The following DCUN1D1 variants were observed in gnomAD, a reference collection of about 807,000 sequenced individuals.
The protein encoded by DCUN1D1 is defective in cullin neddylation 1 domain containing 1.
DCUN1D1 carries 3 observed loss-of-function variants against 39.0 expected under a neutral mutation model. The ratio of observed to expected loss-of-function variants is 0.08; its 90% CI spans 0.04 to 0.20. The LOEUF is 0.20. Ranked by LOEUF, DCUN1D1 falls within the 10% of genes least tolerant of loss-of-function variation. DCUN1D1 has a pLI of 1.00. For missense variants in DCUN1D1, 158 were observed against 302.4 expected, an observed-to-expected ratio of 0.52 and a Z score of 3.54; for synonymous variants, 82 against 96.3, an observed-to-expected ratio of 0.85 and a Z score of 0.87.
At chr3:182,965,489 TG>T (rs760837203) in intron 2 of DCUN1D1, 47 bp downstream of exon 2, 1 of 1,317,824 alleles carries the variant, frequency 7.6e-7, no homozygotes, top group East Asian at 2.3e-5. Context: ...CCCATCTCTT[TG>T]GAAAATCTGG....
intron 4 of DCUN1D1, among the ~76,000 whole-genome samples, chr3:182,959,569 C>A (rs974954846): frequency 2.7e-5 from 4 of 147,446 alleles, no homozygotes; most frequent in African/African-American, 9.9e-5. Context: ...CCTTCCTGTG[C>A]CTAAATTTCC....
chr3:182,965,139 A>G (rs947059116), intron 2 of DCUN1D1, among the ~76,000 whole-genome samples: 2 of 152,246 alleles, frequency 1.3e-5, no homozygotes, highest in Non-Finnish European at 2.9e-5. Flanking sequence ...CAGGAGAATG[A>G]ATAAGAAAAG....
At chr3:182,972,874 C>T (rs1407671185) in intron 1 of DCUN1D1, among the ~76,000 whole-genome samples, 1 of 152,168 alleles carries the variant, frequency 6.6e-6, no homozygotes, top group African/African-American at 2.4e-5. Context: ...GAAACCCCAT[C>T]TCGACTAAGA....
chr3:182,948,442 G>A (rs542891130), intron 4 of DCUN1D1, among the ~76,000 whole-genome samples: 25 of 151,522 alleles, frequency 1.6e-4, no homozygotes, highest in African/African-American at 5.8e-4. Flanking sequence ...CTTATCACAC[G>A]ACAGAGAACT....
chr3:182,957,937 C>CAAAAAAAAAA (rs34998390), intron 4 of DCUN1D1, among the ~76,000 whole-genome samples: 7 of 67,476 alleles, frequency 1.0e-4, no homozygotes, highest in Admixed American at 2.2e-4. Flanking sequence ...GACCCTGCAT[C>CAAAAAAAAAA]AAAAAAAAAA....
At chr3:182,980,031 G>A (rs1728452079) in intron 1 of DCUN1D1, 1 of 334,382 alleles carries the variant, frequency 3.0e-6, no homozygotes, top group Non-Finnish European at 4.3e-6. Context: ...CCCCGGCCGG[G>A]CGGAGAGGGA....
Position 182,941,298 on chromosome 3 carries a change from C to G in DCUN1D1, c.*3796G>C, listed in dbSNP as rs960452622. 6.6e-6 allele frequency: 1 copy of G among 152,026 alleles called. No individual in the cohort carries two copies. The highest frequency in any genetic ancestry group is 2.1e-4 in the South Asian group (1 of 4,824). 9.4% of individuals were successfully genotyped at this position (152,026 alleles called of 1,614,324 possible). On this transcript the variant is annotated 3_prime_UTR_variant, in exon 7 of 7. Transcript: ENST00000292782. ...TACTATTAGGAACTTTCTCATTTAT[C>G]TTAACTACAAAATATACACCCCTTT...
chr3:182,985,630 A>G (rs1234183241), intron 1 of DCUN1D1: 1 of 152,326 alleles, frequency 6.6e-6, no homozygotes, highest in African/African-American at 2.4e-5. Flanking sequence ...ACTCTGTCTC[A>G]GAAAATAAAA....
intron 1 of DCUN1D1, among the ~76,000 whole-genome samples, chr3:182,978,108 T>G (rs1396042370): frequency 6.7e-6 from 1 of 149,038 alleles, no homozygotes. Flanking sequence ...AATTTTGGAG[T>G]CGTTTTTAGT....
At chr3:182,980,560 CT>C, upstream of DCUN1D1, 1 of 1,190,972 alleles carries the variant, frequency 8.4e-7, no homozygotes. Flanking sequence ...GCGGCGGCGG[CT>C]CCTCTCACGG....
rs1726009027 is a variant in DCUN1D1 at position 182,938,974 on chromosome 3, G to A, written c.*6120C>T. The A allele has an allele frequency of 6.6e-6, 1 of 152,468 alleles. No homozygotes were observed. Among genetic ancestry groups the A allele is most frequent in the South Asian group, 2.1e-4 (1 of 4,830 alleles). 9.4% of individuals were successfully genotyped at this position (152,468 alleles called of 1,614,324 possible). The stretch of plus-strand genomic sequence containing the variant: ...CGCTGACACATTTCTTCTCACCAGA[G>A]ATCACTGAGGGACTGGAACCCCCAC... On this transcript the variant is annotated 3_prime_UTR_variant, in exon 7 of 7. Coordinates refer to ENST00000292782, the MANE Select transcript of DCUN1D1 (RefSeq NM_020640.4).
chr3:182,948,592 T>A (rs1384094768), intron 4 of DCUN1D1, among the ~76,000 whole-genome samples: 2 of 152,220 alleles, frequency 1.3e-5, no homozygotes, highest in Non-Finnish European at 2.9e-5. Flanking sequence ...AAGTGTTTAG[T>A]TTTTATGAGT....
intron 4 of DCUN1D1, among the ~76,000 whole-genome samples, chr3:182,957,192 C>G (rs1307014443): frequency 6.6e-6 from 1 of 152,196 alleles, no homozygotes; most frequent in East Asian, 1.9e-4. Flanking sequence ...TGGACAACTT[C>G]CTAAAACAAT....
Position 182,947,274 on chromosome 3 carries a change from T to A in DCUN1D1, c.664A>T (p.Met222Leu). ...TWNLLLDFST[M>L]IADDMSNYDE... ...TAATTAGACATGTCATCTGCAATCA[T>A]CGTACTGAAGTCTAAAAGAAGATTC... The change falls in exon 6 of 7, where the codon ATG becomes TTG. Residue 222 changes from methionine to leucine, a missense_variant. Met to Leu is a conservative substitution (Grantham distance 15). Transcript: ENST00000292782. 1 of 1,609,450 alleles carries A rather than the reference T, an allele frequency of 6.2e-7. No homozygotes were observed. The highest frequency in any genetic ancestry group is 8.5e-7 in the Non-Finnish European group (1 of 1,178,598).
chr3:182,964,825 G>C (rs1170936405), intron 2 of DCUN1D1, among the ~76,000 whole-genome samples: 2 of 151,798 alleles, frequency 1.3e-5, no homozygotes, highest in African/African-American at 2.4e-5. Context: ...ATTTTTAGTA[G>C]AGACAGGGTT....
chr3:182,954,364 C>A (rs1451121853), intron 4 of DCUN1D1, among the ~76,000 whole-genome samples: 1 of 152,072 alleles, frequency 6.6e-6, no homozygotes, highest in East Asian at 1.9e-4. Flanking sequence ...AAAAACCAGA[C>A]AAAGCTAATT....
chr3:182,975,152 T>C (rs1006809153), intron 1 of DCUN1D1, among the ~76,000 whole-genome samples: 5 of 151,954 alleles, frequency 3.3e-5, no homozygotes, highest in Non-Finnish European at 7.4e-5. Context: ...CTTTTAAAAC[T>C]TTTTTAAAAA....
chr3:182,976,444 T>C (rs868744610), intron 1 of DCUN1D1, among the ~76,000 whole-genome samples: 249 of 140,766 alleles, frequency 1.8e-3, no homozygotes, highest in Admixed American at 4.5e-3. Flanking sequence ...TATACATACA[T>C]ACACACACAC....
intron 2 of DCUN1D1, among the ~76,000 whole-genome samples, chr3:182,964,831 G>A (rs1022398737): frequency 6.6e-6 from 1 of 151,672 alleles, no homozygotes; most frequent in Non-Finnish European, 1.5e-5. Context: ...AGTAGAGACA[G>A]GGTTTTACCA....
Sources: gnomAD v4.1 joint callset for allele counts (sites outside exome capture counted in the v4.1 genomes callset) on GRCh38, gnomAD v4.1.1 for gene constraint, MANE v1.5 for transcripts, NCBI Gene and HGNC (gene_info 2026-07-23, HGNC 2026-07-21) for gene names.